SLC16A5: variants seen among roughly 807,000 people sequenced by gnomAD.
SLC16A5 encodes solute carrier family 16 member 5, also known as monocarboxylate transporter 6.
In SLC16A5, 29 loss-of-function variants were observed where a neutral mutation model predicts 33.2. The ratio of observed to expected loss-of-function variants is 0.87; its 90% CI spans 0.65 to 1.19. SLC16A5 has a LOEUF of 1.19. Ranked by LOEUF, SLC16A5 falls within the 50% of genes most tolerant of loss-of-function variation. SLC16A5 has a pLI of 0.00. For missense variants in SLC16A5, 606 were observed against 678.2 expected, an observed-to-expected ratio of 0.89 and a Z score of 1.18; for synonymous variants, 248 against 284.1, an observed-to-expected ratio of 0.87 and a Z score of 1.28.
At chr17:75,106,755 C>T (rs919776366), downstream of SLC16A5, among the ~76,000 whole-genome samples, 6 of 151,444 alleles carry the variant, frequency 4.0e-5, no homozygotes, top group Admixed American at 1.3e-4. Flanking sequence ...ATTAGCCAGG[C>T]GTGGTAGCAG....
At chr17:75,092,313 A>G (rs916836941) in intron 2 of SLC16A5, among the ~76,000 whole-genome samples, 1 of 149,820 alleles carries the variant, frequency 6.7e-6, no homozygotes, top group Non-Finnish European at 1.5e-5. Flanking sequence ...TGTGTCTGTC[A>G]GTGTCTCTTC....
intron 1 of SLC16A5, among the ~76,000 whole-genome samples, 194 bp downstream of exon 1, chr17:75,088,238 A>T: frequency 6.6e-6 from 1 of 152,100 alleles, no homozygotes; most frequent in Non-Finnish European, 1.5e-5. Context: ...ATGACCCGCA[A>T]GCCCAAGGGC....
At chr17:75,099,128 C>T (rs2073756971) in intron 4 of SLC16A5, among the ~76,000 whole-genome samples, 1 of 152,150 alleles carries the variant, frequency 6.6e-6, no homozygotes, top group South Asian at 2.1e-4. Flanking sequence ...GGAGAGGTGG[C>T]GTCTGAACTG....
downstream of SLC16A5, among the ~76,000 whole-genome samples, chr17:75,106,890 T>A (rs1261865468): frequency 6.7e-6 from 1 of 148,482 alleles, no homozygotes; most frequent in Non-Finnish European, 1.5e-5. Flanking sequence ...ATGAGACTCG[T>A]CTCAAAAAAC....
chr17:75,106,198 G>A (rs868195627), downstream of SLC16A5: 1 of 457,572 alleles, frequency 2.2e-6, no homozygotes. Flanking sequence ...AGTCTCTTCC[G>A]GTTGAAAAGT....
chr17:75,103,355 A>G, intron 5 of SLC16A5, among the ~76,000 whole-genome samples: 1 of 130,378 alleles, frequency 7.7e-6, no homozygotes, highest in Non-Finnish European at 1.6e-5. Flanking sequence ...TTTTTAATGG[A>G]GTCTCACTCT....
chr17:75,104,844 G>T (rs1051846350), intron 6 of SLC16A5: 1 of 985,290 alleles, frequency 1.0e-6, no homozygotes, highest in African/African-American at 1.7e-5. Context: ...CAGGAACCTG[G>T]GTCTGAGCCC....
downstream of SLC16A5, among the ~76,000 whole-genome samples, chr17:75,108,658 A>C (rs952210994): frequency 6.6e-6 from 1 of 152,212 alleles, no homozygotes; most frequent in Non-Finnish European, 1.5e-5. Context: ...ATGCCATAGT[A>C]AACTATATGG....
intron 5 of SLC16A5, among the ~76,000 whole-genome samples, chr17:75,101,780 A>G (rs2145062663): frequency 6.6e-6 from 1 of 151,878 alleles, no homozygotes; most frequent in Admixed American, 6.6e-5. Flanking sequence ...GACTGCAGGC[A>G]CATGCCACCA....
At chr17:75,108,789 A>G (rs2073883258), downstream of SLC16A5, among the ~76,000 whole-genome samples, 1 of 152,210 alleles carries the variant, frequency 6.6e-6, no homozygotes, top group Non-Finnish European at 1.5e-5. Flanking sequence ...AAGGTTGGAC[A>G]AGCGGTTGCT....
downstream of SLC16A5, among the ~76,000 whole-genome samples, chr17:75,109,243 G>A (rs1231619450): frequency 2.0e-5 from 3 of 152,130 alleles, no homozygotes; most frequent in Admixed American, 1.3e-4. The surrounding 1 kb of genome is among the most constrained non-coding windows in gnomAD (Gnocchi z 5.0). Context: ...GTGCTGCCCC[G>A]GGCGCGCGCC....
At chr17:75,088,378 G>A (rs2073595572) in intron 1 of SLC16A5, among the ~76,000 whole-genome samples, 1 of 152,230 alleles carries the variant, frequency 6.6e-6, no homozygotes, top group Admixed American at 6.5e-5. Flanking sequence ...CAGCACTGCG[G>A]GGATGGGCAG....
intron 2 of SLC16A5, among the ~76,000 whole-genome samples, chr17:75,092,157 CTG>C (rs1292680629): frequency 7.9e-5 from 12 of 151,754 alleles, no homozygotes; most frequent in African/African-American, 2.9e-4. Flanking sequence ...GTGTGTCTCT[CTG>C]TGTTTGTGTG....
rs143194994 is a variant in SLC16A5, at chr17:75,093,815, C to T, written c.179C>T (p.Thr60Met). Residue 60 changes from threonine to methionine, a missense_variant, in exon 3 of 7, where the codon ACG becomes ATG. Physicochemically the swap from Thr to Met is moderately conservative, Grantham distance 81 (BLOSUM62 -1). Coordinates refer to ENST00000329783, the MANE Select transcript of SLC16A5 (RefSeq NM_004695.4). ...ACCTCTTGGTTCCCCTCCATCCTCACGGCTGTGCTCCACATGGCAGGTGAG... is the reference window on the plus strand; with the variant it reads ...ACCTCTTGGTTCCCCTCCATCCTCATGGCTGTGCTCCACATGGCAGGTGAG... ...SETSWFPSIL[T>M]AVLHMAGPLC... 6.9e-5 allele frequency: 112 copies of T among 1,614,074 alleles called. No homozygotes were observed. The East Asian group carries it at 1.3e-3, about 19-fold the overall frequency.
chr17:75,093,504 C>T, intron 2 of SLC16A5, 85 bp from the exon 3 acceptor site: 1 of 1,537,076 alleles, frequency 6.5e-7, no homozygotes, highest in Admixed American at 2.0e-5. Flanking sequence ...GAAGGGATGG[C>T]TTAGCTGCCC....
downstream of SLC16A5, among the ~76,000 whole-genome samples, chr17:75,108,829 G>A (rs75163642): frequency 0.018 from 2,673 of 152,300 alleles, 36 homozygotes; most frequent in Non-Finnish European, 0.03. Context: ...AGTATGTTTT[G>A]TGCAAGGTTG....
At chr17:75,092,324 G>A (rs1468609043) in intron 2 of SLC16A5, among the ~76,000 whole-genome samples, 1 of 151,004 alleles carries the variant, frequency 6.6e-6, no homozygotes, top group Non-Finnish European at 1.5e-5. Flanking sequence ...GTGTCTCTTC[G>A]TGTCTCTGGA....
At chr17:75,093,369 C>T (rs2073668289) in intron 2 of SLC16A5, 1 of 1,530,370 alleles carries the variant, frequency 6.5e-7, no homozygotes, top group Non-Finnish European at 8.8e-7. Flanking sequence ...TCCTGTCCTT[C>T]CTGCCACCTC....
At chr17:75,092,408 G>C (rs1203636993) in intron 2 of SLC16A5, among the ~76,000 whole-genome samples, 1 of 150,558 alleles carries the variant, frequency 6.6e-6, no homozygotes, top group African/African-American at 2.5e-5. Flanking sequence ...CTAGGCTGGA[G>C]TGCAGTGGCA....
Sources: allele counts gnomAD v4.1 joint callset (sites outside exome capture counted in the v4.1 genomes callset), GRCh38; gene constraint gnomAD v4.1.1; non-coding constraint Gnocchi (gnomAD v3.1); transcripts MANE v1.5; gene names NCBI Gene and HGNC (gene_info 2026-07-23, HGNC 2026-07-21).